The following DPP6 variants were observed in gnomAD, a reference collection of about 807,000 sequenced individuals.
The protein encoded by DPP6 is dipeptidyl peptidase like 6.
A neutral mutation model predicts 122.6 loss-of-function variants in DPP6; 69 were observed. The ratio of observed to expected loss-of-function variants is 0.56; its 90% confidence interval spans 0.46 to 0.69. The LOEUF is 0.69. Ranked by LOEUF, DPP6 falls within the 30% of genes least tolerant of loss-of-function variation. DPP6 has a pLI of 0.00. For synonymous variants in DPP6, 418 were observed against 433.1 expected, an observed-to-expected ratio of 0.97 and a Z score of 0.43; for missense variants, 928 against 1,116.9, an observed-to-expected ratio of 0.83 and a Z score of 2.41.
chr7:154,846,825 T>G (rs900686130), intron 16 of DPP6, among the ~76,000 whole-genome samples: 10 of 152,354 alleles, frequency 6.6e-5, no homozygotes, highest in African/African-American at 2.4e-4. Flanking sequence ...TTTACATCAT[T>G]GTATATTATA....
At chr7:154,673,478 C>T (rs944507522) in intron 7 of DPP6, among the ~76,000 whole-genome samples, 5 of 152,176 alleles carry the variant, frequency 3.3e-5, no homozygotes, top group African/African-American at 9.7e-5. Context: ...TAGAACATTT[C>T]TCCGGTAGTA....
At chr7:153,893,720 C>T (rs969657742) in intron 1 of DPP6, among the ~76,000 whole-genome samples, 2 of 152,210 alleles carry the variant, frequency 1.3e-5, no homozygotes, top group African/African-American at 2.4e-5. Context: ...AATCTCTCAA[C>T]TTAAAATGTT....
rs562564367 is a variant in DPP6 at position 154,311,990 on chromosome 7, G to A, written c.244-134224G>A. On this transcript the variant is annotated intron_variant, in intron 1 of 25. Coordinates refer to ENST00000377770, the MANE Select transcript of DPP6 (RefSeq NM_130797.4). The stretch of plus-strand genomic sequence containing the variant: ...AAAACCCAATGCAATTATTAATGGT[G>A]GAAATTTCAGGCACAAAGTTGTGGC... Among the ~76,000 whole-genome samples the A allele has an allele frequency of 4.3e-4, 65 of 152,264 alleles. 1 individual carries two copies. Among genetic ancestry groups the A allele is most frequent in the African/African-American group, 1.5e-3 (63 of 41,548 alleles).
intron 4 of DPP6, among the ~76,000 whole-genome samples, chr7:154,562,831 A>T (rs1380700362): frequency 2.6e-5 from 4 of 152,202 alleles, no homozygotes; most frequent in African/African-American, 9.6e-5. Context: ...ATGTACTTTT[A>T]TATGTACAAA....
intron 3 of DPP6, among the ~76,000 whole-genome samples, chr7:154,477,644 AG>A (rs1822869527): frequency 6.6e-6 from 1 of 152,144 alleles, no homozygotes; most frequent in Non-Finnish European, 1.5e-5. Flanking sequence ...AAATGAATGG[AG>A]TCTGCCCAGA....
intron 1 of DPP6, among the ~76,000 whole-genome samples, chr7:153,922,285 G>A (rs530663248): frequency 9.2e-5 from 14 of 152,318 alleles, no homozygotes; most frequent in African/African-American, 2.9e-4. Context: ...CAGATTGCTT[G>A]AGTCCAGGAG....
chr7:154,491,108 A>C (rs949021855), intron 3 of DPP6, among the ~76,000 whole-genome samples: 1 of 152,188 alleles, frequency 6.6e-6, no homozygotes, highest in African/African-American at 2.4e-5. Context: ...CTCTCATGGG[A>C]TGTTTTCTTT....
chr7:154,015,313 G>A (rs1050197615), intron 1 of DPP6, among the ~76,000 whole-genome samples: 6 of 152,028 alleles, frequency 3.9e-5, no homozygotes, highest in African/African-American at 1.2e-4. Context: ...TCTCAGCATT[G>A]AAGTCTTATC....
chr7:153,862,858 T>G, the DPP6 span, among the ~76,000 whole-genome samples: 4 of 152,236 alleles, frequency 2.6e-5, no homozygotes, highest in African/African-American at 9.6e-5. Context: ...ATAATACTAT[T>G]TAAAGCAAAT....
At chr7:154,763,099 A>G (rs1401475940) in intron 8 of DPP6, among the ~76,000 whole-genome samples, 2 of 152,242 alleles carry the variant, frequency 1.3e-5, no homozygotes, top group Admixed American at 1.3e-4. Context: ...TGGGAGGCCC[A>G]GGCGGGTGGA....
intron 1 of DPP6, among the ~76,000 whole-genome samples, chr7:154,381,833 T>C (rs1262716658): frequency 6.6e-6 from 1 of 152,158 alleles, no homozygotes; most frequent in Non-Finnish European, 1.5e-5. Flanking sequence ...TCTGCTGCCA[T>C]TGTGACTTGT....
At chr7:154,495,879 G>A (rs150432258) in intron 3 of DPP6, among the ~76,000 whole-genome samples, 1 of 152,144 alleles carries the variant, frequency 6.6e-6, no homozygotes, top group African/African-American at 2.4e-5. Context: ...GAAGGAAAAA[G>A]ACACACTGAA....
intron 1 of DPP6, among the ~76,000 whole-genome samples, chr7:154,042,254 A>G (rs953291253): frequency 1.6e-4 from 24 of 152,282 alleles, no homozygotes; most frequent in African/African-American, 5.8e-4. Flanking sequence ...TGCTTCATCA[A>G]GCGGACACCC....
In DPP6 at chr7:154,483,718, GGAGTCT is replaced by G. The variant is rs1451465991; in HGVS notation, c.457+8682_457+8687del. 6.6e-6 allele frequency among the ~76,000 whole-genome samples: 1 copy of G among 152,172 alleles called. No homozygotes were observed. The highest frequency in any genetic ancestry group is 2.4e-5 in the African/African-American group (1 of 41,450). Reference sequence around the variant, plus strand: ...TTTTGTTTTGCTTTGCTTTTGAGACGGAGTCTCGCTCTGTCGCCCAGGCTGGAGTGC... The same window carrying G: ...TTTTGTTTTGCTTTGCTTTTGAGACGCGCTCTGTCGCCCAGGCTGGAGTGC... On this transcript the variant is annotated intron_variant, in intron 3 of 25. Transcript: ENST00000377770. The surrounding 1 kb of genome is among the most constrained non-coding windows in gnomAD (Gnocchi z 8.1).
intron 1 of DPP6, among the ~76,000 whole-genome samples, chr7:154,306,145 C>T (rs1806324817): frequency 6.6e-6 from 1 of 152,170 alleles, no homozygotes; most frequent in Non-Finnish European, 1.5e-5. Context: ...TAAAGGAGGA[C>T]TCGGCCGAGA....
At chr7:153,844,352 A>G in the DPP6 span, among the ~76,000 whole-genome samples, 177 of 152,248 alleles carry the variant, frequency 1.2e-3, no homozygotes, top group Middle Eastern at 0.014. Flanking sequence ...TTTTTTTCCA[A>G]TTTTACACAT....
At chr7:154,313,273 C>T (rs1807065398) in intron 1 of DPP6, among the ~76,000 whole-genome samples, 1 of 152,062 alleles carries the variant, frequency 6.6e-6, no homozygotes, top group South Asian at 2.1e-4. Context: ...AGCCAGGGTG[C>T]CTGGACCCAA....
rs532372869 is a variant in DPP6, at chr7:154,098,251, C to T, written c.243+45188C>T. 6.6e-5 allele frequency among the ~76,000 whole-genome samples: 10 copies of T among 152,326 alleles called. No individual in the cohort carries two copies. In the South Asian group the frequency reaches 2.1e-3, roughly 32 times the overall value. ...CCCTTTTGCTCAGCACTTCTCCTTC[C>T]TGCTGCCGTGTGAAGAAGGACATAT... On this transcript the variant is annotated intron_variant, in intron 1 of 25. Coordinates refer to ENST00000377770, the MANE Select transcript of DPP6 (RefSeq NM_130797.4).
At chr7:154,677,932 T>C (rs1406550536) in intron 7 of DPP6, among the ~76,000 whole-genome samples, 1 of 152,184 alleles carries the variant, frequency 6.6e-6, no homozygotes, top group East Asian at 1.9e-4. Flanking sequence ...AGAACTTTTC[T>C]GTCTAGCTAA....
Sources: allele counts gnomAD v4.1 joint callset (sites outside exome capture counted in the v4.1 genomes callset), GRCh38; gene constraint gnomAD v4.1.1; non-coding constraint Gnocchi (gnomAD v3.1); transcripts MANE v1.5; gene names NCBI Gene and HGNC (gene_info 2026-07-23, HGNC 2026-07-21).